SNX30: variants seen among roughly 807,000 people sequenced by gnomAD.
SNX30 encodes sorting nexin family member 30.
SNX30 carries 24 observed loss-of-function variants against 46.4 expected under a neutral mutation model. The ratio of observed to expected loss-of-function variants is 0.52; its 90% CI spans 0.37 to 0.73. The LOEUF is 0.73. Among genes scored for constraint, SNX30 ranks in the 30% least tolerant of loss-of-function variants. The pLI is 0.00. For synonymous variants in SNX30, 189 were observed against 211.5 expected (o/e 0.89, Z 0.92); for missense variants, 533 against 555.7 (o/e 0.96, Z 0.41).
chr9:112,807,448 C>G (rs1312942292), intron 2 of SNX30, among the ~76,000 whole-genome samples: 1 of 152,172 alleles, frequency 6.6e-6, no homozygotes, highest in African/African-American at 2.4e-5. Flanking sequence ...TCTTACCCCA[C>G]TACACCACTG....
At chr9:112,829,233 T>G (rs1462822243) in intron 3 of SNX30, among the ~76,000 whole-genome samples, 1 of 152,214 alleles carries the variant, frequency 6.6e-6, no homozygotes, top group Admixed American at 6.5e-5. Flanking sequence ...AAAATTTTGT[T>G]TGGGCACCTG....
chr9:112,849,215 A>C (rs1564290714), intron 6 of SNX30, among the ~76,000 whole-genome samples: 3 of 152,240 alleles, frequency 2.0e-5, no homozygotes. Flanking sequence ...CTGCTGTATC[A>C]GACCAATAGA....
intron 6 of SNX30, among the ~76,000 whole-genome samples, chr9:112,842,004 C>T (rs1840867678): frequency 6.6e-6 from 1 of 152,158 alleles, no homozygotes; most frequent in Non-Finnish European, 1.5e-5. Context: ...AGTGCAGTGG[C>T]ACGATCTTGG....
intron 4 of SNX30, among the ~76,000 whole-genome samples, chr9:112,831,976 A>C: frequency 6.6e-6 from 1 of 152,300 alleles, no homozygotes; most frequent in African/African-American, 2.4e-5. Context: ...TGTGGTCCAG[A>C]TACTTTCTAG....
chr9:112,805,720 C>T (rs1383836612), intron 2 of SNX30, among the ~76,000 whole-genome samples: 2 of 152,170 alleles, frequency 1.3e-5, no homozygotes, highest in African/African-American at 2.4e-5. Flanking sequence ...CCACCTGCCT[C>T]GGCCTCCCAA....
intron 7 of SNX30, chr9:112,856,765 T>C (rs1331462076): frequency 6.6e-6 from 1 of 151,636 alleles, no homozygotes; most frequent in African/African-American, 2.4e-5. Flanking sequence ...GACCGGAGAG[T>C]GGGGCCTCGT....
intron 6 of SNX30, among the ~76,000 whole-genome samples, chr9:112,849,134 C>G (rs1452007738): frequency 6.6e-6 from 1 of 152,178 alleles, no homozygotes; most frequent in African/African-American, 2.4e-5. Flanking sequence ...CCCACATGGC[C>G]CCTGCCCTGC....
At chr9:112,882,548 T>C (rs1249230254), downstream of SNX30, among the ~76,000 whole-genome samples, 3 of 152,158 alleles carry the variant, frequency 2.0e-5, no homozygotes, top group Non-Finnish European at 4.4e-5. Flanking sequence ...CAAGAGTGGC[T>C]GTATGGAGAA....
rs1414118530 is a variant in SNX30 at position 112,761,411 on chromosome 9, CCTT to C, written c.156+10255_156+10257del. 2.0e-5 allele frequency among the ~76,000 whole-genome samples: 3 copies of C among 152,302 alleles called. No homozygotes were observed. The East Asian group carries it at 5.8e-4, about 29-fold the overall frequency. On this transcript the variant is annotated intron_variant, in intron 1 of 8. Transcript: ENST00000374232. ...CTCCTGACTTCAGGTGATCCACCCT[CCTT>C]GGCCTCCCAGAGTGCTAGGATTACA...
intron 2 of SNX30, among the ~76,000 whole-genome samples, chr9:112,814,104 A>G (rs961902032): frequency 2.6e-5 from 4 of 152,264 alleles, no homozygotes; most frequent in Non-Finnish European, 5.9e-5. Flanking sequence ...AAAGTAGCAT[A>G]AAGGGCAAAT....
intron 2 of SNX30, among the ~76,000 whole-genome samples, chr9:112,817,401 CTTTTTTTTTTTTTTT>C (rs56856142): frequency 8.5e-5 from 4 of 46,832 alleles, no homozygotes; most frequent in African/African-American, 3.9e-4. Context: ...AAAAAACTGG[CTTTTTTTTTTTTTTT>C]TTTTTTTTTT....
chr9:112,785,075 C>T (rs1413489724), intron 1 of SNX30, among the ~76,000 whole-genome samples: 1 of 152,146 alleles, frequency 6.6e-6, no homozygotes, highest in Non-Finnish European at 1.5e-5. Flanking sequence ...TGTTGGAAAA[C>T]ACCTATGTTT....
chr9:112,858,057 G>T (rs942359660), intron 7 of SNX30, among the ~76,000 whole-genome samples: 13 of 152,140 alleles, frequency 8.5e-5, no homozygotes, highest in African/African-American at 3.1e-4. Context: ...TGTCACCTCT[G>T]TATAAATTTT....
At position 112,838,525 on chromosome 9, in the gene SNX30, G is replaced by A. The variant is rs1312518629; in HGVS notation, c.842G>A (p.Gly281Glu). ...IEYLVELREY[G>E]PVYSTWSALE... ...TACCTTGTGGAGCTGAGAGAATACG[G>A]GCCTGTGTACTCCACATGGAGCGCC... Residue 281 changes from glycine to glutamate, a missense_variant, in exon 6 of 9, where the codon GGG becomes GAG. Physicochemically the swap from Gly to Glu is moderately conservative, Grantham distance 98. Transcript: ENST00000374232. The A allele has an allele frequency of 6.2e-7, 1 of 1,613,870 alleles. No homozygotes were observed.
downstream of SNX30, chr9:112,885,445 T>TAC (rs1841630967): frequency 6.6e-6 from 1 of 150,660 alleles, no homozygotes. Context: ...TATGTGTATA[T>TAC]ATATATATAT....
intron 7 of SNX30, among the ~76,000 whole-genome samples, chr9:112,858,010 C>T (rs1221244366): frequency 1.3e-5 from 2 of 152,216 alleles, no homozygotes. Flanking sequence ...TGGAAATTCT[C>T]ATGAGAGATT....
chr9:112,855,664 A>G (rs1160780724), intron 7 of SNX30, among the ~76,000 whole-genome samples: 6 of 152,110 alleles, frequency 3.9e-5, no homozygotes, highest in Non-Finnish European at 7.4e-5. Flanking sequence ...CTGGGGAAGA[A>G]TGGTGGTGTC....
chr9:112,836,924 T>G (rs1793907465), intron 5 of SNX30, among the ~76,000 whole-genome samples: 1 of 152,204 alleles, frequency 6.6e-6, no homozygotes, highest in African/African-American at 2.4e-5. Context: ...GGGCCTGTAT[T>G]GATCCTTCCT....
chr9:112,875,373 A>T (rs1350274603), downstream of SNX30: 2 of 152,334 alleles, frequency 1.3e-5, no homozygotes, highest in East Asian at 3.9e-4. Flanking sequence ...AGTTAAGTTG[A>T]CCTGATGATG....
Sources: allele counts gnomAD v4.1 joint callset (sites outside exome capture counted in the v4.1 genomes callset), GRCh38; gene constraint gnomAD v4.1.1; transcripts MANE v1.5; gene names NCBI Gene and HGNC (gene_info 2026-07-23, HGNC 2026-07-21).